The following ZNF267 variants were observed in gnomAD, a reference collection of about 807,000 sequenced individuals.
The protein encoded by ZNF267 is zinc finger (C2H2).
Under a neutral mutation model 71.6 loss-of-function variants are expected in ZNF267, and 61 were observed. That is an observed-to-expected ratio of 0.85 (90% CI 0.69 to 1.05). ZNF267 has a LOEUF of 1.05. Among genes scored for constraint, ZNF267 ranks in the 50% least tolerant of loss-of-function variants. The pLI, the probability that ZNF267 is intolerant of heterozygous loss-of-function variation, is 0.00. For missense variants in ZNF267, 852 were observed against 870.0 expected (o/e 0.98, Z 0.26); for synonymous variants, 288 against 293.2 (o/e 0.98, Z 0.18).
chr16:31,877,380 G>T (rs1405707703), intron 1 of ZNF267, among the ~76,000 whole-genome samples: 4 of 152,138 alleles, frequency 2.6e-5, no homozygotes, highest in Non-Finnish European at 5.9e-5. Flanking sequence ...GATCTCAAAG[G>T]TTAGGCAGAC....
intron 1 of ZNF267, chr16:31,875,298 C>T: frequency 1.6e-6 from 2 of 1,289,162 alleles, no homozygotes; most frequent in South Asian, 1.2e-5. Context: ...AGAGGACCGC[C>T]CAAGGTATGG....
intron 3 of ZNF267, among the ~76,000 whole-genome samples, chr16:31,906,072 A>G (rs928678136): frequency 2.0e-5 from 3 of 152,190 alleles, no homozygotes; most frequent in African/African-American, 7.2e-5. Context: ...ATGTCTGAGT[A>G]TCAGCAGTGG....
chr16:31,876,331 G>A (rs1371251620), intron 1 of ZNF267, among the ~76,000 whole-genome samples: 1 of 152,162 alleles, frequency 6.6e-6, no homozygotes, highest in Non-Finnish European at 1.5e-5. Flanking sequence ...TCCCACCTCA[G>A]CCTTCCAAGT....
At chr16:31,909,064 CGTGTGTGTGTGT>C (rs58278411) in intron 3 of ZNF267, among the ~76,000 whole-genome samples, 5 of 138,368 alleles carry the variant, frequency 3.6e-5, no homozygotes, top group Non-Finnish European at 6.1e-5. Flanking sequence ...GGATATTTTT[CGTGTGTGTGTGT>C]GTGTGTGTGT....
rs573117814 is a variant in ZNF267, at chr16:31,904,055, A to T, written c.227-10421A>T. ...TCATTTCGTTATGTATCCAGTAGTC[A>T]TTCAGGAGCAGGTTGTTCAGTTTCC... On this transcript the variant is annotated intron_variant, in intron 3 of 3. Transcript: ENST00000300870. Among the ~76,000 whole-genome samples, 5 of 152,334 alleles carry T rather than the reference A, an allele frequency of 3.3e-5. No homozygotes were observed. The South Asian group carries it at 8.3e-4, about 25-fold the overall frequency.
intron 3 of ZNF267, among the ~76,000 whole-genome samples, chr16:31,890,452 G>C (rs1355377333): frequency 6.6e-6 from 1 of 152,130 alleles, no homozygotes; most frequent in Non-Finnish European, 1.5e-5. Flanking sequence ...TTGTTTGCAT[G>C]CACTGTGGTT....
At chr16:31,893,676 C>T (rs993779725) in intron 3 of ZNF267, among the ~76,000 whole-genome samples, 1 of 152,186 alleles carries the variant, frequency 6.6e-6, no homozygotes, top group Non-Finnish European at 1.5e-5. Flanking sequence ...TCAGGGATGT[C>T]TCAGGTTAAG....
intron 3 of ZNF267, among the ~76,000 whole-genome samples, chr16:31,905,774 C>T (rs932237487): frequency 1.3e-5 from 2 of 152,200 alleles, no homozygotes; most frequent in Non-Finnish European, 2.9e-5. Context: ...CTGACGCCTT[C>T]TTCTCTCACC....
intron 3 of ZNF267, among the ~76,000 whole-genome samples, chr16:31,904,242 GC>G (rs1318083506): frequency 6.6e-6 from 1 of 152,210 alleles, no homozygotes; most frequent in Non-Finnish European, 1.5e-5. Flanking sequence ...GTGGTGTGGT[GC>G]TGAAAAGAAT....
chr16:31,906,894 C>T (rs2142357225), intron 3 of ZNF267, among the ~76,000 whole-genome samples: 1 of 152,148 alleles, frequency 6.6e-6, no homozygotes, highest in Middle Eastern at 3.4e-3. Context: ...TAGACTGGAG[C>T]TGTTCCTATT....
In ZNF267 at chr16:31,915,262, C is replaced by T. The variant is rs753510930; in HGVS notation, c.1013C>T (p.Thr338Ile). The change falls in exon 4 of 4, where the codon ACT becomes ATT. Residue 338 changes from threonine (T) to isoleucine (I), a missense_variant. By Grantham distance (89) the Thr-to-Ile change is moderately conservative (BLOSUM62 -1). Coordinates refer to ENST00000300870, the MANE Select transcript of ZNF267 (RefSeq NM_003414.6). ...AGCTTAAACCATAGTTTGCACCTTA[C>T]TCAACATCAGATCATTCCTACCGAA... is the stretch of plus-strand genomic sequence containing the variant. Reference protein sequence around the residue: ...GDSLNHSLHLTQHQIIPTEEK... With the variant: ...GDSLNHSLHLIQHQIIPTEEK... 20 of 1,613,738 alleles carry T rather than the reference C, an allele frequency of 1.2e-5. No homozygotes were observed. The highest frequency in any genetic ancestry group is 1.7e-5 in the Non-Finnish European group (20 of 1,179,854).
At position 31,916,612 on chromosome 16, in the gene ZNF267, A is replaced by C; in HGVS notation, c.*131A>C. Reference sequence around the variant, plus strand: ...ACCTTTAACTATTTTCAAGCCTTACACAATAGCAGAGAATATAAACTGAAA... The same window carrying C: ...ACCTTTAACTATTTTCAAGCCTTACCCAATAGCAGAGAATATAAACTGAAA... On this transcript the variant is annotated 3_prime_UTR_variant, in exon 4 of 4. Coordinates refer to ENST00000300870, the MANE Select transcript of ZNF267 (RefSeq NM_003414.6). 1 of 906,316 alleles carries C rather than the reference A, an allele frequency of 1.1e-6. No individual in the cohort carries two copies. The highest frequency in any genetic ancestry group is 1.6e-6 in the Non-Finnish European group (1 of 616,032). The allele number at this position is 906,316 out of a possible 1,614,324, so 56.1% of individuals were successfully genotyped here.
intron 3 of ZNF267, among the ~76,000 whole-genome samples, chr16:31,905,786 CGTCAAA>C (rs1391934619): frequency 1.3e-5 from 2 of 152,196 alleles, no homozygotes; most frequent in Non-Finnish European, 2.9e-5. Context: ...TCTCTCACCT[CGTCAAA>C]GTCATTCTCC....
At chr16:31,910,546 A>T (rs909942725) in intron 3 of ZNF267, among the ~76,000 whole-genome samples, 4 of 151,670 alleles carry the variant, frequency 2.6e-5, no homozygotes, top group African/African-American at 9.7e-5. Flanking sequence ...ACAGTTGTTA[A>T]TAATAGCCAC....
chr16:31,875,442 A>G (rs1394216620), intron 1 of ZNF267: 3 of 714,156 alleles, frequency 4.2e-6, no homozygotes, highest in Non-Finnish European at 5.8e-6. Flanking sequence ...CATCCCTTGG[A>G]GACACATTGC....
chr16:31,906,855 G>A (rs536657753), intron 3 of ZNF267, among the ~76,000 whole-genome samples: 22 of 151,986 alleles, frequency 1.4e-4, no homozygotes, highest in Admixed American at 6.5e-4. Context: ...GAAATCACCC[G>A]TCTTCTGCGT....
intron 3 of ZNF267, among the ~76,000 whole-genome samples, chr16:31,902,678 TAAG>T (rs1224307975): frequency 6.6e-6 from 1 of 152,348 alleles, no homozygotes; most frequent in Non-Finnish European, 1.5e-5. Flanking sequence ...CTTATCAGCT[TAAG>T]GAGATTTTGG....
Position 31,916,493 on chromosome 16 carries a change from A to G in ZNF267, c.*12A>G. The stretch of plus-strand genomic sequence containing the variant: ...GAGAAAAACTTTAAAAATGTAAAAC[A>G]TGGAGCAGATTTTTTACTTGTTACC... On this transcript the variant is annotated 3_prime_UTR_variant, in exon 4 of 4. Transcript: ENST00000300870. 2 of 1,597,574 alleles carry G rather than the reference A, an allele frequency of 1.3e-6. No homozygotes were observed. The highest frequency in any genetic ancestry group is 1.7e-6 in the Non-Finnish European group (2 of 1,171,976).
In ZNF267 at chr16:31,873,979, CG is replaced by C. The variant is rs748369303; in HGVS notation, c.3+14del. The C allele has an allele frequency of 3.7e-6, 6 of 1,611,776 alleles. No homozygotes were observed. The highest frequency in any genetic ancestry group is 3.3e-4 in the Middle Eastern group (2 of 6,054). ...CGGAAGCTGGGAAATGGTGAGTGTGCGGGGTCGGGGGTCCCCAGAGGGAGGG... is the reference window on the plus strand; with the variant it reads ...CGGAAGCTGGGAAATGGTGAGTGTGCGGGTCGGGGGTCCCCAGAGGGAGGG... On this transcript the variant is annotated intron_variant, in intron 1 of 3. Transcript: ENST00000300870.
Sources: gnomAD v4.1 joint callset for allele counts (sites outside exome capture counted in the v4.1 genomes callset) on GRCh38, gnomAD v4.1.1 for gene constraint, MANE v1.5 for transcripts, NCBI Gene and HGNC (gene_info 2026-07-23, HGNC 2026-07-21) for gene names.